The following PCDHGA8 variants were observed in gnomAD, a reference collection of about 807,000 sequenced individuals.
The protein encoded by PCDHGA8 is protocadherin gamma subfamily A, 8.
In PCDHGA8, 45 loss-of-function variants were observed where a neutral mutation model predicts 59.2. The ratio of observed to expected loss-of-function variants is 0.76; its 90% CI spans 0.60 to 0.98. The LOEUF (loss-of-function observed/expected upper bound fraction) is 0.98. PCDHGA8 is among the 50% of genes least tolerant of loss of function. The pLI is 0.00. For missense variants in PCDHGA8, 1,257 were observed against 1,196.2 expected, an observed-to-expected ratio of 1.05 and a Z score of -0.75; for synonymous variants, 531 against 519.0, an observed-to-expected ratio of 1.02 and a Z score of -0.32.
intron 1 of PCDHGA8, among the ~76,000 whole-genome samples, chr5:141,462,990 A>T (rs181384059): frequency 1.8e-3 from 278 of 152,244 alleles, no homozygotes; most frequent in Non-Finnish European, 3.4e-3. Context: ...GCCTTGGGCT[A>T]ATTTAGACCT....
rs780843098 is a variant in PCDHGA8 at position 141,431,185 on chromosome 5, T to C, written c.2424+35948T>C. On this transcript the variant is annotated intron_variant, in intron 1 of 3. Coordinates refer to ENST00000398604, the MANE Select transcript of PCDHGA8 (RefSeq NM_032088.2). The surrounding 1 kb of genome is among the most constrained non-coding windows in gnomAD (Gnocchi z 4.8). ...GTGAAAGTGAATTAGAAATAAAAAT[T>C]AGTGAAAATGCAGCCACTGAGATGC... The C allele has an allele frequency of 3.1e-6, 5 of 1,613,982 alleles. No homozygotes were observed. The highest frequency in any genetic ancestry group is 4.2e-6 in the Non-Finnish European group (5 of 1,180,016).
chr5:141,417,767 T>G lies in PCDHGA8; in HGVS notation c.2424+22530T>G, dbSNP rs1333916865. 1.3e-5 allele frequency: 19 copies of G among 1,442,000 alleles called. No individual in the cohort carries two copies. The South Asian group carries it at 1.8e-4, about 13-fold the overall frequency. 89.3% of individuals were successfully genotyped at this position (1,442,000 alleles called of 1,614,324 possible). ...GATTGCCAGCTCCGAGACCCGGGAC[T>G]CCTCCTGTCCTGGGCCGAATGCTCT... On this transcript the variant is annotated intron_variant, in intron 1 of 3. Coordinates refer to ENST00000398604, the MANE Select transcript of PCDHGA8 (RefSeq NM_032088.2).
chr5:141,409,990 C>T (rs377295503), intron 1 of PCDHGA8: 1 of 1,613,160 alleles, frequency 6.2e-7, no homozygotes, highest in Non-Finnish European at 8.5e-7. Flanking sequence ...CGGTGGACGC[C>T]GACTCGGGAC....
Position 141,393,650 on chromosome 5 carries a change from C to T in PCDHGA8, c.837C>T (p.Tyr279=). 2 of 1,613,904 alleles carry T rather than the reference C, an allele frequency of 1.2e-6. No individual in the cohort carries two copies. The highest frequency in any genetic ancestry group is 1.1e-5 in the South Asian group (1 of 91,090). The change falls in exon 1 of 4, where the codon TAC becomes TAT. Residue 279 remains tyrosine, a synonymous_variant. Transcript: ENST00000398604. The stretch of plus-strand genomic sequence containing the variant: ...AGGGAATCAACGGAAAAGTGGCATA[C>T]AAATTCCGGAAAATTAATGAAAAAC... ...PDEGINGKVA[Y]KFRKINEKQT... is the part of the protein sequence containing the mutation.
chr5:141,395,445 T>C (rs1257175969), intron 1 of PCDHGA8: 1 of 655,916 alleles, frequency 1.5e-6, no homozygotes, highest in East Asian at 2.9e-5. Context: ...TTGGAAAAGA[T>C]TGTTCAACCA....
At chr5:141,408,045 A>G (rs544263424) in intron 1 of PCDHGA8, 8 of 1,236,658 alleles carry the variant, frequency 6.5e-6, no homozygotes, top group Admixed American at 3.0e-5. Flanking sequence ...CAGCTCCCAC[A>G]CAGAGCCTCC....
chr5:141,447,181 G>C (rs442221), intron 1 of PCDHGA8, among the ~76,000 whole-genome samples: 152,246 of 152,338 alleles, frequency 1, 76,078 homozygotes, highest in Middle Eastern at 1. Context: ...CTCTTGTCGC[G>C]CAGGCTGGAG....
intron 1 of PCDHGA8, chr5:141,427,474 A>G (rs373512099): frequency 3.7e-5 from 19 of 520,294 alleles, no homozygotes; most frequent in African/African-American, 1.5e-4. Context: ...TCTTCCGCCA[A>G]TAATGACTAT....
At chr5:141,481,838 T>G (rs1297962011) in intron 1 of PCDHGA8, among the ~76,000 whole-genome samples, 2 of 150,868 alleles carry the variant, frequency 1.3e-5, no homozygotes, top group African/African-American at 4.9e-5. Flanking sequence ...GGAGAATCGC[T>G]TGATGGTGGA....
At position 141,490,521 on chromosome 5, in the gene PCDHGA8, C is replaced by T. The variant is rs146064810; in HGVS notation, c.2425-4286C>T. The stretch of plus-strand genomic sequence containing the variant: ...ACTATATCATCGAGCTGCTGGCCAG[C>T]GATGCTGGTTCACCTTCCCTACACA... On this transcript the variant is annotated intron_variant, in intron 1 of 3. Coordinates refer to ENST00000398604, the MANE Select transcript of PCDHGA8 (RefSeq NM_032088.2). This position sits in a 1 kb window ranked among gnomAD's most constrained non-coding sequence, Gnocchi z 5.4. The T allele has an allele frequency of 1.0e-4, 166 of 1,614,058 alleles. No individual in the cohort carries two copies. In the African/African-American group the frequency reaches 1.7e-3, roughly 16 times the overall value.
At position 141,422,501 on chromosome 5, in the gene PCDHGA8, C is replaced by T. The variant is rs1343881573; in HGVS notation, c.2424+27264C>T. On this transcript the variant is annotated intron_variant, in intron 1 of 3. Coordinates refer to ENST00000398604, the MANE Select transcript of PCDHGA8 (RefSeq NM_032088.2). ...CAGAGCTACAATATAACGTTGACAGCCACAGACCAGGGAAGCCCGCCTTTG... is the reference window on the plus strand; with the variant it reads ...CAGAGCTACAATATAACGTTGACAGTCACAGACCAGGGAAGCCCGCCTTTG... 9.3e-6 allele frequency: 15 copies of T among 1,613,810 alleles called. No individual in the cohort carries two copies. The highest frequency in any genetic ancestry group is 1.3e-5 in the Non-Finnish European group (15 of 1,179,872).
rs781289120 is a variant in PCDHGA8 at position 141,431,571 on chromosome 5, A to G, written c.2424+36334A>G. ...GTAGTCAACGCTACCGACCCTGACG[A>G]AGGAGTCAATGCGGAAGTGAGGTAT... is the stretch of plus-strand genomic sequence containing the variant. On this transcript the variant is annotated intron_variant, in intron 1 of 3. Transcript: ENST00000398604. The surrounding 1 kb of genome is among the most constrained non-coding windows in gnomAD (Gnocchi z 4.8). 6.2e-7 allele frequency: 1 copy of G among 1,614,144 alleles called. No homozygotes were observed. The highest frequency in any genetic ancestry group is 2.2e-5 in the East Asian group (1 of 44,882).
intron 1 of PCDHGA8, chr5:141,410,397 G>A (rs1338071222): frequency 1.9e-6 from 3 of 1,613,930 alleles, no homozygotes; most frequent in South Asian, 1.1e-5. Context: ...CCTGGTCTCT[G>A]TGTCAAGTCT....
At chr5:141,446,365 G>T (rs2098499873) in intron 1 of PCDHGA8, among the ~76,000 whole-genome samples, 1 of 152,194 alleles carries the variant, frequency 6.6e-6, no homozygotes, top group Non-Finnish European at 1.5e-5. Flanking sequence ...GATGAGAATG[G>T]AAGACTAAAG....
chr5:141,433,221 A>G, intron 1 of PCDHGA8: 1 of 1,475,672 alleles, frequency 6.8e-7, no homozygotes, highest in African/African-American at 1.4e-5. Context: ...TTTTTTTTTT[A>G]ATTGCTCTGT....
intron 1 of PCDHGA8, among the ~76,000 whole-genome samples, chr5:141,467,758 C>CTCAA (rs933308513): frequency 6.6e-5 from 10 of 152,018 alleles, no homozygotes; most frequent in Admixed American, 5.9e-4. Flanking sequence ...GCCTCACATG[C>CTCAA]TCAAGTGCCC....
chr5:141,421,265 T>G (rs2154549151), intron 1 of PCDHGA8: 1 of 1,596,914 alleles, frequency 6.3e-7, no homozygotes, highest in Non-Finnish European at 8.5e-7. Flanking sequence ...CGCAGTCGGC[T>G]GCTGCTGCTG....
At chr5:141,494,514 G>T (rs1457018569) in intron 1 of PCDHGA8, among the ~76,000 whole-genome samples, 2 of 152,160 alleles carry the variant, frequency 1.3e-5, no homozygotes, top group South Asian at 2.1e-4. Context: ...TTTTGGCTCA[G>T]GAGTTCTGAC....
rs1215626157 is a variant in PCDHGA8, at chr5:141,487,804, GT to G, written c.2425-7000del. ...TCGTGAATTAACCAGAGTTGTCACAGTTTAGCATTGGGGGCGGGTCATGCCT... is the reference window on the plus strand; with the variant it reads ...TCGTGAATTAACCAGAGTTGTCACAGTTAGCATTGGGGGCGGGTCATGCCT... On this transcript the variant is annotated intron_variant, in intron 1 of 3. Transcript: ENST00000398604. The surrounding 1 kb of genome is among the most constrained non-coding windows in gnomAD (Gnocchi z 5.0). 15 of 1,451,846 alleles carry G rather than the reference GT, an allele frequency of 1.0e-5. No homozygotes were observed. The highest frequency in any genetic ancestry group is 1.3e-5 in the Non-Finnish European group (14 of 1,072,382). 89.9% of individuals were successfully genotyped at this position (1,451,846 alleles called of 1,614,324 possible).
Sources: allele counts gnomAD v4.1 joint callset (sites outside exome capture counted in the v4.1 genomes callset), GRCh38; gene constraint gnomAD v4.1.1; non-coding constraint Gnocchi (gnomAD v3.1); transcripts MANE v1.5; gene names NCBI Gene and HGNC (gene_info 2026-07-23, HGNC 2026-07-21).